The following FAM83E variants were observed in gnomAD, a reference collection of about 807,000 sequenced individuals.
FAM83E encodes scaffolding CK1 anchoring protein E, also known as protein FAM83E.
In FAM83E, 29 loss-of-function variants were observed where a neutral mutation model predicts 34.3. That is an observed-to-expected ratio of 0.85 (90% CI 0.63 to 1.15). The LOEUF (loss-of-function observed/expected upper bound fraction) is 1.15, where lower values mean the gene tolerates loss of function less well. Among genes scored for constraint, FAM83E ranks in the 50% most tolerant of loss-of-function variants. FAM83E has a pLI of 0.00. For missense variants in FAM83E, 697 were observed against 685.0 expected (o/e 1.02, Z -0.20); for synonymous variants, 312 against 311.6 (o/e 1.00, Z -0.01).
Position 48,614,549 on chromosome 19 carries a change from T to C in FAM83E, c.-1177A>G. The C allele has an allele frequency of 6.1e-6, 6 of 986,034 alleles. No individual in the cohort carries two copies. The highest frequency in any genetic ancestry group is 7.2e-6 in the Non-Finnish European group (6 of 830,436). 61.1% of individuals were successfully genotyped at this position (986,034 alleles called of 1,614,324 possible). On this transcript the variant is annotated 5_prime_UTR_variant, in exon 3 of 7. Transcript: ENST00000263266. ...ACCCAACCTCGGGGACCCTGGACCC[T>C]TGATCCCTGCAAACCAGAAGCCCTT...
chr19:48,613,239 GC>G lies in FAM83E; in HGVS notation c.133del (p.Ala45ArgfsTer54), dbSNP rs747732632. On this transcript the variant is annotated frameshift_variant, in exon 3 of 7. Transcript: ENST00000263266. LOFTEE classifies it high-confidence loss of function. ...LEALLSKGAE[A>X]FQTCVQREEL... ...CTCGCGCTGCACGCAGGTCTGGAACGCCTCCGCGCCCTTGCTCAACAGAGCC... is the reference window on the plus strand; with the variant it reads ...CTCGCGCTGCACGCAGGTCTGGAACGCTCCGCGCCCTTGCTCAACAGAGCC... 1 of 1,610,374 alleles carries G rather than the reference GC, an allele frequency of 6.2e-7. No individual in the cohort carries two copies. Among genetic ancestry groups the G allele is most frequent in the South Asian group, 1.1e-5 (1 of 91,076 alleles).
chr19:48,613,107 G>A lies in FAM83E; in HGVS notation c.266C>T (p.Thr89Ile). Residue 89 changes from threonine to isoleucine, a missense_variant, in exon 3 of 7, where the codon ACC (threonine) becomes ATC (isoleucine). Transcript: ENST00000263266. The stretch of plus-strand genomic sequence containing the variant: ...GCTGCCCGCGTCCACATCGGTGGTG[G>A]TGGCTCCCTCTGCCATCCCGCTGGG... ...QEPSGMAEGA[T>I]TTDVDAGSLS... 1 of 1,610,620 alleles carries A rather than the reference G, an allele frequency of 6.2e-7. No homozygotes were observed. Among genetic ancestry groups the A allele is most frequent in the South Asian group, 1.1e-5 (1 of 90,868 alleles).
At position 48,613,035 on chromosome 19, in the gene FAM83E, C is replaced by G. The variant is rs746945844; in HGVS notation, c.338G>C (p.Arg113Pro). 6.2e-7 allele frequency: 1 copy of G among 1,603,126 alleles called. No individual in the cohort carries two copies. The highest frequency in any genetic ancestry group is 1.1e-5 in the South Asian group (1 of 89,640). Residue 113 changes from arginine (R) to proline (P), a missense_variant, in exon 3 of 7, where the codon CGG becomes CCG. Physicochemically the swap from Arg to Pro is moderately radical, Grantham distance 103. Transcript: ENST00000263266. ...GQSEQPAPVL[R>P]LGWPVDSAWK... ...CGCAGAGTCCACTGGCCAGCCCAGC[C>G]GCAGGACGGGCGCCGGCTGCTCCGA...
chr19:48,607,104 C>T (rs1206749491), intron 5 of FAM83E: 10 of 1,613,158 alleles, frequency 6.2e-6, no homozygotes, highest in Middle Eastern at 3.3e-4. Context: ...TGCACTGTGG[C>T]GATGACGAGG....
At chr19:48,609,140 G>A (rs926874992) in intron 5 of FAM83E, among the ~76,000 whole-genome samples, 4 of 152,196 alleles carry the variant, frequency 2.6e-5, no homozygotes, top group Non-Finnish European at 4.4e-5. Flanking sequence ...GTCACACAAC[G>A]AGGAACTGAG....
chr19:48,602,376 G>A (rs1601121515), intron 6 of FAM83E, among the ~76,000 whole-genome samples: 1 of 151,108 alleles, frequency 6.6e-6, no homozygotes, highest in South Asian at 2.1e-4. Flanking sequence ...TAAGGAGGAC[G>A]GTGTGGGGAG....
rs973848013 is a variant in FAM83E at position 48,614,164 on chromosome 19, G to T, written c.-792C>A. The T allele has an allele frequency of 1.0e-6, 1 of 983,944 alleles. No homozygotes were observed. The highest frequency in any genetic ancestry group is 1.2e-6 in the Non-Finnish European group (1 of 828,740). 61.0% of individuals were successfully genotyped at this position (983,944 alleles called of 1,614,324 possible). A position where few individuals can be genotyped will look rare whatever the true frequency, so the allele number is the denominator to read the frequency against. On this transcript the variant is annotated 5_prime_UTR_variant, in exon 3 of 7. Coordinates refer to ENST00000263266, the MANE Select transcript of FAM83E (RefSeq NM_017708.4). ...ACCCTTCCCTACCCTGTCAATGGGG[G>T]ACCCTGCTCCCTGGACCCTCCTCAC...
At position 48,601,202 on chromosome 19, in the gene FAM83E, C is replaced by A; in HGVS notation, c.1344G>T (p.Arg448=). Residue 448 remains arginine, a synonymous_variant, in exon 7 of 7, where the codon CGG becomes CGT. Coordinates refer to ENST00000263266, the MANE Select transcript of FAM83E (RefSeq NM_017708.4). Reference sequence around the variant, plus strand: ...GTTTGAATGTAGCATCCCCACCGAACCGCCTTCGGGCTGGGGACAGATAGC... The same window carrying A: ...GTTTGAATGTAGCATCCCCACCGAAACGCCTTCGGGCTGGGGACAGATAGC... ...RLRYLSPARR[R]FGGDATFKLQ... is the part of the protein sequence containing the mutation. 1 of 1,612,218 alleles carries A rather than the reference C, an allele frequency of 6.2e-7. No individual in the cohort carries two copies. Among genetic ancestry groups the A allele is most frequent in the Non-Finnish European group, 8.5e-7 (1 of 1,179,106 alleles).
chr19:48,602,294 G>A (rs1973831895), intron 6 of FAM83E, among the ~76,000 whole-genome samples: 1 of 151,130 alleles, frequency 6.6e-6, no homozygotes, highest in Non-Finnish European at 1.5e-5. Context: ...GGAAGGATGA[G>A]GTGAGGAAGA....
In FAM83E at chr19:48,603,483, C is replaced by G; in HGVS notation, c.1176+11G>C. The G allele has an allele frequency of 6.4e-7, 1 of 1,550,744 alleles. No homozygotes were observed. The highest frequency in any genetic ancestry group is 8.6e-7 in the Non-Finnish European group (1 of 1,157,812). On this transcript the variant is annotated intron_variant, in intron 6 of 6. Coordinates refer to ENST00000263266, the MANE Select transcript of FAM83E (RefSeq NM_017708.4). Reference sequence around the variant, plus strand: ...GGGCTCCATCTTCTGGCACCAGCCACAAGGTCTCACCTCGTTGTCCCCATC... The same window carrying G: ...GGGCTCCATCTTCTGGCACCAGCCAGAAGGTCTCACCTCGTTGTCCCCATC...
At position 48,603,513 on chromosome 19, in the gene FAM83E, G is replaced by A; in HGVS notation, c.1157C>T (p.Ser386Phe). The A allele has an allele frequency of 6.4e-7, 1 of 1,567,088 alleles. No individual in the cohort carries two copies. Among genetic ancestry groups the A allele is most frequent in the Non-Finnish European group, 8.6e-7 (1 of 1,165,104 alleles). The change falls in exon 6 of 7, where the codon TCC (serine) becomes TTC (phenylalanine). Residue 386 changes from serine (S) to phenylalanine (F), a missense_variant. Coordinates refer to ENST00000263266, the MANE Select transcript of FAM83E (RefSeq NM_017708.4). ...TCTCACCTCGTTGTCCCCATCACTG[G>A]AGCCAGACAGCTGGGACAGGCGGCT... ...DLSRLSQLSG[S>F]SDGDNELKKS...
intron 6 of FAM83E, among the ~76,000 whole-genome samples, chr19:48,602,512 G>A (rs1031191586): frequency 1.3e-5 from 2 of 150,144 alleles, no homozygotes; most frequent in African/African-American, 4.9e-5. Context: ...TGCCAGCCGG[G>A]ATCAAATATT....
intron 6 of FAM83E, 93 bp downstream of exon 6, chr19:48,603,401 G>A: frequency 1.6e-6 from 2 of 1,252,936 alleles, no homozygotes; most frequent in Non-Finnish European, 2.1e-6. Context: ...CTCTGGCTGG[G>A]AGCAGGGCCC....
At chr19:48,608,866 G>T (rs1778500766) in intron 5 of FAM83E, among the ~76,000 whole-genome samples, 2 of 151,994 alleles carry the variant, frequency 1.3e-5, no homozygotes, top group African/African-American at 4.8e-5. Flanking sequence ...CATCTGCGCT[G>T]TCTGGAGAGG....
chr19:48,607,154 C>T lies in FAM83E; in HGVS notation c.758+2722G>A, dbSNP rs751774402. On this transcript the variant is annotated intron_variant, in intron 5 of 6. Coordinates refer to ENST00000263266, the MANE Select transcript of FAM83E (RefSeq NM_017708.4). ...CACGGGGTCGCCCCGGGCACTGGTC[C>T]GGTCATCAACAAAGGCTGCCTGCGA... 1.2e-5 allele frequency: 20 copies of T among 1,612,910 alleles called. 1 individual carries two copies. In the South Asian group the frequency reaches 1.6e-4, roughly 13 times the overall value.
At chr19:48,607,704 A>T in intron 5 of FAM83E, 1 of 228,186 alleles carries the variant, frequency 4.4e-6, no homozygotes, top group Non-Finnish European at 8.6e-6. Flanking sequence ...ATGACAGCTG[A>T]TGTTCATGGA....
Position 48,600,936 on chromosome 19 carries a change from A to T in FAM83E, c.*173T>A, listed in dbSNP as rs1340031849. 2 of 1,385,930 alleles carry T rather than the reference A, an allele frequency of 1.4e-6. No individual in the cohort carries two copies. The highest frequency in any genetic ancestry group is 1.9e-6 in the Non-Finnish European group (2 of 1,062,690). The allele number at this position is 1,385,930 out of a possible 1,614,324, so 85.9% of individuals were successfully genotyped here. A position where few individuals can be genotyped will look rare whatever the true frequency, so the allele number is the denominator to read the frequency against. On this transcript the variant is annotated 3_prime_UTR_variant, in exon 7 of 7. Transcript: ENST00000263266. ...CCAAAGTGCAGGGATTACAGGCATG[A>T]GCCACCACTCCCGGCCCAAGTTGCA...
chr19:48,612,150 G>A (rs910481802), intron 3 of FAM83E, among the ~76,000 whole-genome samples: 4 of 152,182 alleles, frequency 2.6e-5, no homozygotes, highest in African/African-American at 9.7e-5. Flanking sequence ...GTTCCGGGAC[G>A]ATGATGCACA....
chr19:48,602,824 G>GTTT (rs199993947), intron 6 of FAM83E, among the ~76,000 whole-genome samples: 2,642 of 58,556 alleles, frequency 0.045, 130 homozygotes, highest in East Asian at 0.3. Flanking sequence ...TTTATTTATT[G>GTTT]TTTATTATTA....
Sources: gnomAD v4.1 joint callset for allele counts (sites outside exome capture counted in the v4.1 genomes callset) on GRCh38, gnomAD v4.1.1 for gene constraint, MANE v1.5 for transcripts, NCBI Gene and HGNC (gene_info 2026-07-23, HGNC 2026-07-21) for gene names.